Variants in NXPE4 observed in about 807,000 individuals in gnomAD.
The protein encoded by NXPE4 is NXPE family member 4.
A neutral mutation model predicts 33.3 loss-of-function variants in NXPE4; 42 were observed. The observed-to-expected ratio is 1.26, with a 90% confidence interval of 0.98 to 1.63. The LOEUF (loss-of-function observed/expected upper bound fraction) is 1.63. Ranked by LOEUF, NXPE4 falls within the 40% of genes most tolerant of loss-of-function variation. NXPE4 has a pLI of 0.00. For missense variants in NXPE4, 709 were observed against 647.6 expected, an observed-to-expected ratio of 1.09 and a Z score of -1.03; for synonymous variants, 253 against 234.9, an observed-to-expected ratio of 1.08 and a Z score of -0.71.
At chr11:114,572,162 G>C (rs1359631610) in intron 5 of NXPE4, among the ~76,000 whole-genome samples, 2 of 152,112 alleles carry the variant, frequency 1.3e-5, no homozygotes, top group Non-Finnish European at 2.9e-5. Context: ...ATTCCTAGGG[G>C]AAGGGGGATT....
the NXPE4 span, among the ~76,000 whole-genome samples, chr11:114,637,753 G>T: frequency 6.6e-6 from 1 of 151,596 alleles, no homozygotes; most frequent in Non-Finnish European, 1.5e-5. Flanking sequence ...GAAATTCTGG[G>T]TTGAAAATTC....
chr11:114,582,836 G>A lies in NXPE4; in HGVS notation c.282C>T (p.Thr94=). ...TGGCTGTGCTATGTGTGGCGCTGGT[G>A]GTGGTGTTCACGTGGGTGAAAGGTC... ...PPRPFTHVNT[T]TSATHSTATI... The change falls in exon 3 of 6, where the codon ACC becomes ACT. Residue 94 remains threonine, a synonymous_variant. Transcript: ENST00000375478. The A allele has an allele frequency of 6.2e-7, 1 of 1,614,174 alleles. No homozygotes were observed. The highest frequency in any genetic ancestry group is 1.1e-5 in the South Asian group (1 of 91,084).
the NXPE4 span, among the ~76,000 whole-genome samples, chr11:114,633,870 G>A: frequency 6.6e-6 from 1 of 151,974 alleles, no homozygotes; most frequent in East Asian, 1.9e-4. Context: ...ATCATTTTTG[G>A]ATATTGGGGT....
the NXPE4 span, among the ~76,000 whole-genome samples, chr11:114,619,416 C>A: frequency 2.0e-5 from 3 of 151,894 alleles, no homozygotes; most frequent in African/African-American, 4.8e-5. Flanking sequence ...ATAAGTGTTG[C>A]CTCGTGGGTA....
upstream of NXPE4, chr11:114,595,847 C>T (rs746606613): frequency 3.3e-5 from 5 of 152,254 alleles, no homozygotes; most frequent in Non-Finnish European, 5.9e-5. Context: ...GTTATTAGCT[C>T]AAGCAGAGGT....
chr11:114,629,030 A>G, the NXPE4 span, among the ~76,000 whole-genome samples: 5 of 152,122 alleles, frequency 3.3e-5, no homozygotes, highest in African/African-American at 7.2e-5. Flanking sequence ...GCAATAATCA[A>G]TAGCTTACCA....
the NXPE4 span, among the ~76,000 whole-genome samples, chr11:114,605,169 T>C: frequency 6.6e-6 from 1 of 151,892 alleles, no homozygotes; most frequent in African/African-American, 2.4e-5. Flanking sequence ...TAATAAGTGT[T>C]GCCTTGTGAG....
chr11:114,635,381 T>G, the NXPE4 span, among the ~76,000 whole-genome samples: 126 of 150,840 alleles, frequency 8.4e-4, no homozygotes, highest in African/African-American at 3.0e-3. Flanking sequence ...CAATGGGGTT[T>G]TCTAGATATA....
chr11:114,640,165 T>TAA, the NXPE4 span, among the ~76,000 whole-genome samples: 16 of 59,784 alleles, frequency 2.7e-4, no homozygotes, highest in African/African-American at 9.4e-4. Context: ...TAATAATATA[T>TAA]ATAAATAATT....
the NXPE4 span, among the ~76,000 whole-genome samples, chr11:114,609,666 C>T: frequency 6.7e-6 from 1 of 150,336 alleles, no homozygotes; most frequent in East Asian, 2.0e-4. Context: ...CGACTATTAC[C>T]CAGTGGATAA....
chr11:114,630,280 A>T, the NXPE4 span, among the ~76,000 whole-genome samples: 2 of 151,842 alleles, frequency 1.3e-5, no homozygotes, highest in East Asian at 1.9e-4. Flanking sequence ...CTATACTAAA[A>T]GGCTACAGTA....
At chr11:114,612,391 A>G in the NXPE4 span, among the ~76,000 whole-genome samples, 3 of 151,232 alleles carry the variant, frequency 2.0e-5, no homozygotes, top group African/African-American at 4.9e-5. Context: ...GTATTGCCTC[A>G]TGTCTAACCA....
At chr11:114,631,969 G>A in the NXPE4 span, among the ~76,000 whole-genome samples, 1 of 148,998 alleles carries the variant, frequency 6.7e-6, no homozygotes, top group Non-Finnish European at 1.5e-5. Flanking sequence ...ATTACGTACT[G>A]GATAATAAAT....
At chr11:114,671,053 A>G in the NXPE4 span, among the ~76,000 whole-genome samples, 1 of 148,064 alleles carries the variant, frequency 6.8e-6, no homozygotes, top group African/African-American at 2.4e-5. Context: ...ATATATAAAA[A>G]TATAAATATA....
rs374849876 is a variant in NXPE4 at position 114,576,043 on chromosome 11, G to T, written c.1099+4089C>A. Among the ~76,000 whole-genome samples, 250 of 152,132 alleles carry T rather than the reference G, an allele frequency of 1.6e-3. 2 individuals are homozygous for T. Among genetic ancestry groups the T allele is most frequent in the South Asian group, 5.0e-3 (24 of 4,820 alleles). ...ACAGAATACAGAACCCAGAAATAAA[G>T]CCCAATACTTACAGCCAACTGATCT... On this transcript the variant is annotated intron_variant, in intron 5 of 5. Transcript: ENST00000375478.
At chr11:114,666,310 C>A in the NXPE4 span, among the ~76,000 whole-genome samples, 11 of 152,198 alleles carry the variant, frequency 7.2e-5, no homozygotes, top group African/African-American at 2.4e-4. Context: ...TAGCCTGAGG[C>A]CAGTTCCAGG....
chr11:114,601,564 T>TTATATATAA, the NXPE4 span, among the ~76,000 whole-genome samples: 9 of 98,716 alleles, frequency 9.1e-5, no homozygotes, highest in African/African-American at 3.3e-4. Flanking sequence ...TTATATATAA[T>TTATATATAA]TATATATTAT....
At chr11:114,625,426 C>T in the NXPE4 span, among the ~76,000 whole-genome samples, 3 of 152,048 alleles carry the variant, frequency 2.0e-5, no homozygotes, top group East Asian at 3.9e-4. Context: ...ACCACTTCTA[C>T]CACATGGATA....
At chr11:114,617,762 T>C in the NXPE4 span, among the ~76,000 whole-genome samples, 1 of 152,096 alleles carries the variant, frequency 6.6e-6, no homozygotes, top group African/African-American at 2.4e-5. Flanking sequence ...TGTTACCATG[T>C]GGATAATAAG....
Sources: gnomAD v4.1 joint callset for allele counts (sites outside exome capture counted in the v4.1 genomes callset) on GRCh38, gnomAD v4.1.1 for gene constraint, MANE v1.5 for transcripts, NCBI Gene and HGNC (gene_info 2026-07-23, HGNC 2026-07-21) for gene names.